The following HMGCLL1 variants were observed in gnomAD, a reference collection of about 807,000 sequenced individuals.
HMGCLL1 encodes 3-hydroxymethyl-3-methylglutaryl-CoA lyase, cytoplasmic.
Under a neutral mutation model 39.1 loss-of-function variants are expected in HMGCLL1, and 36 were observed. That is an observed-to-expected ratio of 0.92 (90% CI 0.71 to 1.22). HMGCLL1 has a LOEUF of 1.22. Ranked by LOEUF, HMGCLL1 falls within the 50% of genes most tolerant of loss-of-function variation. The probability of loss-of-function intolerance (pLI) is 0.00; values close to 1 mark genes in which losing one functional copy is unlikely to be tolerated. For missense variants in HMGCLL1, 451 were observed against 416.5 expected, an observed-to-expected ratio of 1.08 and a Z score of -0.72; for synonymous variants, 149 against 144.0, an observed-to-expected ratio of 1.03 and a Z score of -0.25.
chr6:55,520,177 T>A (rs1297366173), intron 3 of HMGCLL1, among the ~76,000 whole-genome samples: 2 of 150,704 alleles, frequency 1.3e-5, no homozygotes, highest in Non-Finnish European at 3.0e-5. Context: ...CAGCAAACCA[T>A]CATGGCACAT....
At chr6:55,653,691 T>A in the HMGCLL1 span, among the ~76,000 whole-genome samples, 10 of 152,026 alleles carry the variant, frequency 6.6e-5, no homozygotes, top group Non-Finnish European at 8.8e-5. Context: ...CCTTAAGGTA[T>A]TACCAATAGG....
chr6:55,617,427 A>G, the HMGCLL1 span, among the ~76,000 whole-genome samples: 1 of 152,108 alleles, frequency 6.6e-6, no homozygotes, highest in Admixed American at 6.6e-5. Context: ...GAACCATGCT[A>G]AATGAAACCA....
the HMGCLL1 span, among the ~76,000 whole-genome samples, chr6:55,587,614 G>A: frequency 6.6e-6 from 1 of 151,994 alleles, no homozygotes; most frequent in African/African-American, 2.4e-5. Context: ...CTGGCAAATA[G>A]GAAAAAGAGT....
the HMGCLL1 span, among the ~76,000 whole-genome samples, chr6:55,669,455 C>T: frequency 2.6e-5 from 4 of 151,632 alleles, no homozygotes; most frequent in African/African-American, 7.3e-5. Context: ...TTCAAAATGC[C>T]CAGTATGTAA....
chr6:55,594,904 A>G, the HMGCLL1 span, among the ~76,000 whole-genome samples: 1 of 152,212 alleles, frequency 6.6e-6, no homozygotes, highest in African/African-American at 2.4e-5. Flanking sequence ...TCCTGCTACC[A>G]AGTATACAGA....
the HMGCLL1 span, among the ~76,000 whole-genome samples, chr6:55,643,008 A>G: frequency 1.3e-5 from 2 of 152,122 alleles, no homozygotes; most frequent in African/African-American, 4.8e-5. Flanking sequence ...TCCATGGTGT[A>G]TATGTACCAC....
chr6:55,676,667 A>C, the HMGCLL1 span, among the ~76,000 whole-genome samples: 1 of 152,244 alleles, frequency 6.6e-6, no homozygotes, highest in African/African-American at 2.4e-5. Context: ...AAGTTGTAAT[A>C]ATCTTCATAC....
At chr6:55,484,088 G>A (rs1191272088) in intron 7 of HMGCLL1, among the ~76,000 whole-genome samples, 1 of 152,112 alleles carries the variant, frequency 6.6e-6, no homozygotes, top group Non-Finnish European at 1.5e-5. Flanking sequence ...AAGAAATGAA[G>A]CCAAAGAAAA....
At chr6:55,550,963 A>G (rs906107720) in intron 1 of HMGCLL1, among the ~76,000 whole-genome samples, 7 of 151,412 alleles carry the variant, frequency 4.6e-5, no homozygotes, top group East Asian at 3.9e-4. Flanking sequence ...GCTATAGCTC[A>G]TCAATTAGCT....
chr6:55,444,405 A>G (rs1282732863), intron 7 of HMGCLL1, among the ~76,000 whole-genome samples: 1 of 152,088 alleles, frequency 6.6e-6, no homozygotes, highest in Non-Finnish European at 1.5e-5. Context: ...ACATATATCT[A>G]TATAAAGACT....
At chr6:55,438,541 G>T (rs143849639) in intron 8 of HMGCLL1, among the ~76,000 whole-genome samples, 1 of 152,168 alleles carries the variant, frequency 6.6e-6, no homozygotes, top group African/African-American at 2.4e-5. Context: ...TAGGATGGTG[G>T]TGTCTTACTT....
chr6:55,524,308 T>C (rs941441428), intron 3 of HMGCLL1, among the ~76,000 whole-genome samples: 2 of 151,804 alleles, frequency 1.3e-5, no homozygotes, highest in Non-Finnish European at 2.9e-5. Context: ...GATGCTCACT[T>C]AAATTTTTAA....
intron 3 of HMGCLL1, among the ~76,000 whole-genome samples, chr6:55,535,125 A>AT (rs144473395): frequency 8.3e-4 from 127 of 152,324 alleles, no homozygotes; most frequent in African/African-American, 2.9e-3. Flanking sequence ...ATTTGAGATC[A>AT]TTTACTAAAG....
chr6:55,634,296 C>T, the HMGCLL1 span, among the ~76,000 whole-genome samples: 1 of 151,986 alleles, frequency 6.6e-6, no homozygotes, highest in Non-Finnish European at 1.5e-5. Flanking sequence ...CTTGCTAAAA[C>T]ATCTGCTCAG....
intron 5 of HMGCLL1, among the ~76,000 whole-genome samples, chr6:55,509,626 T>C (rs1428423342): frequency 6.6e-6 from 1 of 151,860 alleles, no homozygotes; most frequent in Non-Finnish European, 1.5e-5. Flanking sequence ...GAGAATACTG[T>C]GCCCTGACTT....
At chr6:55,627,479 T>A in the HMGCLL1 span, among the ~76,000 whole-genome samples, 1 of 152,002 alleles carries the variant, frequency 6.6e-6, no homozygotes, top group South Asian at 2.1e-4. Flanking sequence ...GTGTATGGGT[T>A]CACATTGACA....
the HMGCLL1 span, among the ~76,000 whole-genome samples, chr6:55,604,362 T>C: frequency 6.6e-6 from 1 of 152,326 alleles, no homozygotes; most frequent in South Asian, 2.1e-4. Context: ...CCAAATTATG[T>C]AGCAAGCACA....
At chr6:55,473,922 C>T (rs1765163869) in intron 7 of HMGCLL1, among the ~76,000 whole-genome samples, 1 of 151,426 alleles carries the variant, frequency 6.6e-6, no homozygotes, top group African/African-American at 2.4e-5. Flanking sequence ...CAGTACTTTA[C>T]TTCATTCTAC....
the HMGCLL1 span, among the ~76,000 whole-genome samples, chr6:55,650,864 T>C: frequency 6.6e-6 from 1 of 151,998 alleles, no homozygotes; most frequent in East Asian, 1.9e-4. Context: ...CACGAATTTT[T>C]ACTTAAAGCC....
Sources: gnomAD v4.1 joint callset for allele counts (sites outside exome capture counted in the v4.1 genomes callset) on GRCh38, gnomAD v4.1.1 for gene constraint, MANE v1.5 for transcripts, NCBI Gene and HGNC (gene_info 2026-07-23, HGNC 2026-07-21) for gene names.